CTNND1: variants seen among roughly 807,000 people sequenced by gnomAD.
CTNND1 encodes the protein catenin delta-1.
Under a neutral mutation model 112.1 loss-of-function variants are expected in CTNND1, and 16 were observed. The ratio of observed to expected loss-of-function variants is 0.14; its 90% CI spans 0.10 to 0.22. The LOEUF (loss-of-function observed/expected upper bound fraction) is 0.22. Among genes scored for constraint, CTNND1 ranks in the 10% least tolerant of loss-of-function variants. CTNND1 has a pLI of 1.00. For synonymous variants in CTNND1, 420 were observed against 446.5 expected (o/e 0.94, Z 0.75); for missense variants, 1,008 against 1,257.0 (o/e 0.80, Z 3.00).
chr11:57,766,843 T>A (rs1951185404), intron 1 of CTNND1, among the ~76,000 whole-genome samples: 1 of 152,246 alleles, frequency 6.6e-6, no homozygotes, highest in African/African-American at 2.4e-5. Context: ...ACCACTTTAT[T>A]CAGGGATCGT....
rs1003131194 is a variant in CTNND1 at position 57,789,064 on chromosome 11, G to A, written c.-186G>A. 1 of 1,535,470 alleles carries A rather than the reference G, an allele frequency of 6.5e-7. No homozygotes were observed. Among genetic ancestry groups the A allele is most frequent in the Admixed American group, 2.0e-5 (1 of 50,962 alleles). ...CTCTCCTTCCTGCTTCCTCCTTGCT[G>A]TGGTGGCTGGGATGCTTCTTCCATG... On this transcript the variant is annotated 5_prime_UTR_variant, in exon 2 of 21. It adds an upstream start codon to the 5' untranslated region. Coordinates refer to ENST00000399050, the MANE Select transcript of CTNND1 (RefSeq NM_001085458.2).
At chr11:57,797,066 T>A in intron 6 of CTNND1, 74 bp downstream of exon 6, 1 of 1,310,038 alleles carries the variant, frequency 7.6e-7, no homozygotes, top group Non-Finnish European at 9.9e-7. Context: ...CTTCAACTTC[T>A]AGGGGCTTTT....
intron 1 of CTNND1, among the ~76,000 whole-genome samples, chr11:57,762,353 G>T (rs1950043204): frequency 6.6e-6 from 1 of 152,012 alleles, no homozygotes; most frequent in Non-Finnish European, 1.5e-5. Flanking sequence ...ATTTTGGTGT[G>T]TTCTTTGATT....
In CTNND1 at chr11:57,802,012, A is replaced by G; in HGVS notation, c.1236A>G (p.Val412=). 1 of 1,614,028 alleles carries G rather than the reference A, an allele frequency of 6.2e-7. No individual in the cohort carries two copies. Among genetic ancestry groups the G allele is most frequent in the Non-Finnish European group, 8.5e-7 (1 of 1,179,892 alleles). ...TGCGGAAGCTCAAGGGCATCCCAGT[A>G]CTGGTGGGATTGTTAGACCATCCCA... ...TDVRKLKGIP[V]LVGLLDHPKK... The change falls in exon 7 of 21, where the codon GTA becomes GTG. Residue 412 remains valine, a synonymous_variant. Coordinates refer to ENST00000399050, the MANE Select transcript of CTNND1 (RefSeq NM_001085458.2).
chr11:57,774,691 G>GTTTATTTA lies in CTNND1; in HGVS notation c.-214+12604_-214+12611dup, dbSNP rs111874552. Among the ~76,000 whole-genome samples the GTTTATTTA allele has an allele frequency of 1.2e-3, 179 of 148,188 alleles. 1 individual carries two copies. Among genetic ancestry groups the GTTTATTTA allele is most frequent in the African/African-American group, 1.7e-3 (67 of 40,000 alleles). On this transcript the variant is annotated intron_variant, in intron 1 of 20. Coordinates refer to ENST00000399050, the MANE Select transcript of CTNND1 (RefSeq NM_001085458.2). Reference sequence around the variant, plus strand: ...CAACAGGCCATAAGAGTCTATGAGGGTTTATTTATTTATTTATTTATTTAT... The same window carrying GTTTATTTA: ...CAACAGGCCATAAGAGTCTATGAGGGTTTATTTATTTATTTATTTATTTATTTATTTAT...
rs372151097 is a variant in CTNND1, at chr11:57,800,120, C to G, written c.957-1613C>G. ...TTTTATAATGTTAGTAAATACTTTTCCTTAATTTTATAGTAAGCAGAAAAT... is the reference window on the plus strand; with the variant it reads ...TTTTATAATGTTAGTAAATACTTTTGCTTAATTTTATAGTAAGCAGAAAAT... On this transcript the variant is annotated intron_variant, in intron 6 of 20. Transcript: ENST00000399050. 1.2e-4 allele frequency among the ~76,000 whole-genome samples: 18 copies of G among 148,398 alleles called. 1 individual carries two copies. The East Asian group carries it at 2.6e-3, about 21-fold the overall frequency.
At chr11:57,810,306 A>G in intron 16 of CTNND1, 83 bp downstream of exon 16, 1 of 1,020,032 alleles carries the variant, frequency 9.8e-7, no homozygotes. Context: ...CGTTTCTTCC[A>G]TTTCACCATC....
At position 57,811,491 on chromosome 11, in the gene CTNND1, A is replaced by G. The variant is rs2063349693; in HGVS notation, c.2638+5A>G. On this transcript the variant is annotated splice_donor_5th_base_variant and intron_variant, in intron 17 of 20. Coordinates refer to ENST00000399050, the MANE Select transcript of CTNND1 (RefSeq NM_001085458.2). The stretch of plus-strand genomic sequence containing the variant: ...TTGACCGGAACCAAAAATCAGGTGC[A>G]GTATCCAGAAGGCACACCCTCTCCT... 2 of 1,599,086 alleles carry G rather than the reference A, an allele frequency of 1.3e-6. No individual in the cohort carries two copies. Among genetic ancestry groups the G allele is most frequent in the South Asian group, 1.1e-5 (1 of 90,522 alleles).
chr11:57,781,200 G>A (rs1337963213), intron 1 of CTNND1, among the ~76,000 whole-genome samples: 1 of 152,184 alleles, frequency 6.6e-6, no homozygotes, highest in African/African-American at 2.4e-5. Flanking sequence ...GCCTCCCAAA[G>A]TGCTGGGATT....
intron 3 of CTNND1, among the ~76,000 whole-genome samples, chr11:57,792,467 G>C (rs917730240): frequency 9.2e-5 from 14 of 152,244 alleles, no homozygotes; most frequent in Non-Finnish European, 1.3e-4. Context: ...GTGTGTGGTA[G>C]ACATTGCCTG....
intron 7 of CTNND1, among the ~76,000 whole-genome samples, 163 bp from the exon 8 acceptor site, chr11:57,803,458 T>C (rs1222150093): frequency 2.0e-5 from 3 of 152,234 alleles, no homozygotes; most frequent in African/African-American, 4.8e-5. Context: ...TAATGTAGAA[T>C]ATGTTTCTTG....
chr11:57,794,899 A>G (rs538307413), intron 4 of CTNND1, among the ~76,000 whole-genome samples: 1 of 151,592 alleles, frequency 6.6e-6, no homozygotes, highest in Non-Finnish European at 1.5e-5. Flanking sequence ...AAAAAAAAAA[A>G]CAAAGTTCTT....
At chr11:57,806,735 T>G in intron 11 of CTNND1, 180 bp from the exon 12 acceptor site, 1 of 639,768 alleles carries the variant, frequency 1.6e-6, no homozygotes, top group Non-Finnish European at 2.8e-6. Context: ...TGCTGCCTGT[T>G]TTCTATCCTT....
chr11:57,766,870 G>A (rs929382198), intron 1 of CTNND1, among the ~76,000 whole-genome samples: 14 of 152,108 alleles, frequency 9.2e-5, no homozygotes, highest in African/African-American at 3.1e-4. Context: ...TGTTTTTAGG[G>A]CCACTTCTTC....
chr11:57,772,508 C>T (rs1000297477), intron 1 of CTNND1, among the ~76,000 whole-genome samples: 5 of 152,062 alleles, frequency 3.3e-5, no homozygotes, highest in African/African-American at 9.7e-5. Context: ...TCACCATATC[C>T]GTATTTCTGT....
intron 2 of CTNND1, among the ~76,000 whole-genome samples, chr11:57,790,633 C>T (rs1469690940): frequency 6.8e-6 from 1 of 146,010 alleles, no homozygotes; most frequent in Admixed American, 7.0e-5. Context: ...TCTTGGCTCA[C>T]TGTAAGCTCC....
At chr11:57,800,732 A>G (rs1400819316) in intron 6 of CTNND1, among the ~76,000 whole-genome samples, 1 of 152,196 alleles carries the variant, frequency 6.6e-6, no homozygotes, top group Non-Finnish European at 1.5e-5. Flanking sequence ...AGAACAAACA[A>G]TGGCTTATTT....
intron 1 of CTNND1, among the ~76,000 whole-genome samples, chr11:57,771,959 A>T (rs1411972202): frequency 6.6e-6 from 1 of 150,622 alleles, no homozygotes; most frequent in Non-Finnish European, 1.5e-5. Flanking sequence ...CTTTTTTGAT[A>T]CAAGGTCTGT....
chr11:57,807,278 A>G (rs528729788), intron 12 of CTNND1, among the ~76,000 whole-genome samples: 2 of 152,272 alleles, frequency 1.3e-5, no homozygotes, highest in East Asian at 3.9e-4. Flanking sequence ...TGAGACTTAA[A>G]CCTCACTATT....
Sources: allele counts gnomAD v4.1 joint callset (sites outside exome capture counted in the v4.1 genomes callset), GRCh38; gene constraint gnomAD v4.1.1; transcripts MANE v1.5; gene names NCBI Gene and HGNC (gene_info 2026-07-23, HGNC 2026-07-21).